The following PLCE1 variants were observed in gnomAD, a reference collection of about 807,000 sequenced individuals.
The protein encoded by PLCE1 is 1-phosphatidylinositol 4,5-bisphosphate phosphodiesterase epsilon-1.
Under a neutral mutation model 242.8 loss-of-function variants are expected in PLCE1, and 119 were observed. The observed-to-expected ratio is 0.49, with a 90% CI of 0.42 to 0.57. PLCE1 has a LOEUF of 0.57. Ranked by LOEUF, PLCE1 falls within the 20% of genes least tolerant of loss-of-function variation. PLCE1 has a pLI of 0.00. For synonymous variants in PLCE1, 945 were observed against 1,017.4 expected, an observed-to-expected ratio of 0.93 and a Z score of 1.35; for missense variants, 2,441 against 2,788.8, an observed-to-expected ratio of 0.88 and a Z score of 2.81.
At chr10:94,182,214 C>A (rs2048336118) in intron 4 of PLCE1, among the ~76,000 whole-genome samples, 1 of 150,934 alleles carries the variant, frequency 6.6e-6, no homozygotes, top group Non-Finnish European at 1.5e-5. Flanking sequence ...GAGAATTGTT[C>A]CACGTACATT....
intron 1 of PLCE1, among the ~76,000 whole-genome samples, chr10:94,007,094 T>G (rs562233179): frequency 6.8e-6 from 1 of 147,650 alleles, no homozygotes; most frequent in African/African-American, 2.4e-5. Flanking sequence ...GAAGTTTCCT[T>G]TCTGGGTTTC....
At chr10:94,181,310 C>G (rs994385399) in intron 4 of PLCE1, among the ~76,000 whole-genome samples, 1 of 152,108 alleles carries the variant, frequency 6.6e-6, no homozygotes, top group African/African-American at 2.4e-5. Context: ...CGGTGGCTCA[C>G]GCCTGTAATC....
intron 16 of PLCE1, among the ~76,000 whole-genome samples, 172 bp downstream of exon 16, chr10:94,266,130 TC>T (rs1429322816): frequency 6.6e-6 from 1 of 152,170 alleles, no homozygotes; most frequent in African/African-American, 2.4e-5. Context: ...ACTACAGCAG[TC>T]GTTTTCTTTA....
intron 2 of PLCE1, among the ~76,000 whole-genome samples, chr10:94,124,191 G>A (rs2046375856): frequency 6.6e-6 from 1 of 151,922 alleles, no homozygotes. Flanking sequence ...ACCAGTGTGG[G>A]CAACATAGCA....
chr10:94,322,486 A>T (rs1302663635), intron 30 of PLCE1, among the ~76,000 whole-genome samples: 1 of 152,092 alleles, frequency 6.6e-6, no homozygotes, highest in Non-Finnish European at 1.5e-5. Flanking sequence ...CCCTGTCTTT[A>T]CAAAAAGTAC....
At chr10:94,200,432 T>C (rs1362981570) in intron 4 of PLCE1, among the ~76,000 whole-genome samples, 1 of 152,156 alleles carries the variant, frequency 6.6e-6, no homozygotes, top group African/African-American at 2.4e-5. Context: ...CTGGAGCAAC[T>C]TGCAAGACAA....
At chr10:94,273,837 T>C in intron 19 of PLCE1, 117 bp downstream of exon 19, 1 of 943,648 alleles carries the variant, frequency 1.1e-6, no homozygotes, top group Non-Finnish European at 1.7e-6. Flanking sequence ...AGACTGACTT[T>C]CCTTAAATGA....
intron 11 of PLCE1, among the ~76,000 whole-genome samples, chr10:94,257,764 C>T (rs1377546206): frequency 6.6e-6 from 1 of 152,018 alleles, no homozygotes; most frequent in African/African-American, 2.4e-5. Context: ...CACACCAGGG[C>T]CTGTTGTGGG....
intron 2 of PLCE1, among the ~76,000 whole-genome samples, chr10:94,095,368 C>T (rs1458705458): frequency 1.3e-5 from 2 of 151,868 alleles, no homozygotes; most frequent in African/African-American, 2.4e-5. Context: ...GCTTTGGTTT[C>T]GGTTTTGAGA....
In PLCE1 at chr10:94,134,668, C is replaced by T. The variant is rs79746518; in HGVS notation, c.1492+2209C>T. Among the ~76,000 whole-genome samples, 998 of 152,266 alleles carry T rather than the reference C, an allele frequency of 6.6e-3. 17 individuals are homozygous for T. The highest frequency in any genetic ancestry group is 0.019 in the African/African-American group (798 of 41,530). ...CTAGGCTGCCCAACCAAGGCAGGCA[C>T]GCCTCTAGTCTTCCACAGGTCTGTG... On this transcript the variant is annotated intron_variant, in intron 3 of 32. Transcript: ENST00000371380.
intron 1 of PLCE1, among the ~76,000 whole-genome samples, chr10:94,008,856 C>T (rs10882380): frequency 0.2 from 29,778 of 151,932 alleles, 3,573 homozygotes; most frequent in Non-Finnish European, 0.26. Context: ...AGGAAGGAGA[C>T]CTATTCATTT....
At chr10:94,014,696 C>T (rs1299030249) in intron 1 of PLCE1, among the ~76,000 whole-genome samples, 1 of 152,180 alleles carries the variant, frequency 6.6e-6, no homozygotes, top group African/African-American at 2.4e-5. Flanking sequence ...GGAAATTTTA[C>T]AAAAGCCTCT....
At chr10:94,129,627 C>A (rs2046535854) in intron 2 of PLCE1, among the ~76,000 whole-genome samples, 1 of 152,174 alleles carries the variant, frequency 6.6e-6, no homozygotes, top group African/African-American at 2.4e-5. Context: ...CACAATGAGC[C>A]AGCGCAGCAG....
At chr10:94,191,795 G>T (rs1240868996) in intron 4 of PLCE1, among the ~76,000 whole-genome samples, 1 of 152,168 alleles carries the variant, frequency 6.6e-6, no homozygotes, top group Non-Finnish European at 1.5e-5. Context: ...GCAGAGCTAG[G>T]TCCAGTTATT....
At chr10:94,236,272 C>A in intron 7 of PLCE1, 152 bp downstream of exon 7, 1 of 667,958 alleles carries the variant, frequency 1.5e-6, no homozygotes, top group South Asian at 1.7e-5. Context: ...TCAAACCTTA[C>A]CAATTCCAAA....
intron 3 of PLCE1, among the ~76,000 whole-genome samples, chr10:94,154,090 C>A (rs1303466803): frequency 1.3e-5 from 2 of 152,008 alleles, no homozygotes. Flanking sequence ...GCTATAGTAA[C>A]CAAAATGTTG....
At chr10:94,149,150 G>T (rs543261936) in intron 3 of PLCE1, among the ~76,000 whole-genome samples, 2 of 152,288 alleles carry the variant, frequency 1.3e-5, no homozygotes, top group South Asian at 4.1e-4. Flanking sequence ...CAGCACCATT[G>T]TAAGAAATCT....
intron 2 of PLCE1, among the ~76,000 whole-genome samples, chr10:94,075,454 C>T (rs1476938490): frequency 6.6e-6 from 1 of 152,208 alleles, no homozygotes; most frequent in East Asian, 1.9e-4. Context: ...AATTAGGTGA[C>T]AAATTTGTAA....
chr10:94,273,907 C>T (rs2051843734), intron 19 of PLCE1, among the ~76,000 whole-genome samples, 187 bp downstream of exon 19: 1 of 152,176 alleles, frequency 6.6e-6, no homozygotes, highest in Non-Finnish European at 1.5e-5. Context: ...CTCACTCACC[C>T]AAGATTTAAT....
Sources: gnomAD v4.1 joint callset for allele counts (sites outside exome capture counted in the v4.1 genomes callset) on GRCh38, gnomAD v4.1.1 for gene constraint, MANE v1.5 for transcripts, NCBI Gene and HGNC (gene_info 2026-07-23, HGNC 2026-07-21) for gene names.